The following THRA variants were observed in gnomAD, a reference collection of about 807,000 sequenced individuals.
The protein encoded by THRA is EAR-7.
THRA carries 13 observed loss-of-function variants against 45.0 expected under a neutral mutation model. That is an observed-to-expected ratio of 0.29 (90% CI 0.19 to 0.46). THRA has a LOEUF of 0.46. Ranked by LOEUF, THRA falls within the 20% of genes least tolerant of loss-of-function variation. The pLI, the probability that THRA is intolerant of heterozygous loss-of-function variation, is 1.00. For synonymous variants in THRA, 195 were observed against 214.0 expected, an observed-to-expected ratio of 0.91 and a Z score of 0.78; for missense variants, 278 against 556.1, an observed-to-expected ratio of 0.50 and a Z score of 5.03.
intron 1 of THRA, among the ~76,000 whole-genome samples, chr17:40,067,995 G>A (rs150669183): frequency 5.3e-4 from 81 of 152,300 alleles, no homozygotes; most frequent in African/African-American, 1.9e-3. Context: ...ACTCTAGCCT[G>A]AACAACAGAG....
rs1241298170 is a variant in THRA at position 40,063,040 on chromosome 17, G to T, written c.-350G>T. The T allele has an allele frequency of 1.3e-5, 2 of 151,858 alleles. No individual in the cohort carries two copies. The highest frequency in any genetic ancestry group is 2.9e-5 in the Non-Finnish European group (2 of 67,958). The allele number at this position is 151,858 out of a possible 1,614,324, so 9.4% of individuals were successfully genotyped here. Reference sequence around the variant, plus strand: ...CCCCCCATGGACGCCCCCAGCACGGGGCGCTGAGACCCCCGCGTCGCTGCC... The same window carrying T: ...CCCCCCATGGACGCCCCCAGCACGGTGCGCTGAGACCCCCGCGTCGCTGCC... On this transcript the variant is annotated 5_prime_UTR_variant, in exon 1 of 9. Coordinates refer to ENST00000450525, the MANE Select transcript of THRA (RefSeq NM_199334.5).
At position 40,067,981 on chromosome 17, in the gene THRA, C is replaced by T. The variant is rs141973442; in HGVS notation, c.-298+4889C>T. Among the ~76,000 whole-genome samples the T allele has an allele frequency of 4.6e-5, 7 of 152,330 alleles. No homozygotes were observed. The East Asian group carries it at 1.4e-3, about 29-fold the overall frequency. ...GCTGCGGTGAGCTGTGATTGTGCCACTGCACTCTAGCCTGAACAACAGAGT... is the reference window on the plus strand; with the variant it reads ...GCTGCGGTGAGCTGTGATTGTGCCATTGCACTCTAGCCTGAACAACAGAGT... On this transcript the variant is annotated intron_variant, in intron 1 of 8. Transcript: ENST00000450525.
chr17:40,069,254 C>G (rs977097671), intron 1 of THRA, among the ~76,000 whole-genome samples: 1 of 150,568 alleles, frequency 6.6e-6, no homozygotes, highest in Non-Finnish European at 1.5e-5. Flanking sequence ...TTCCTATTCC[C>G]TCCCTCCTCC....
At chr17:40,065,467 T>C (rs1986520890) in intron 1 of THRA, among the ~76,000 whole-genome samples, 1 of 152,180 alleles carries the variant, frequency 6.6e-6, no homozygotes, top group Non-Finnish European at 1.5e-5. Context: ...TGCTCTGTCT[T>C]GCAGTGTCTG....
chr17:40,065,676 T>TG, intron 1 of THRA, among the ~76,000 whole-genome samples: 1 of 139,702 alleles, frequency 7.2e-6, no homozygotes, highest in Non-Finnish European at 1.5e-5. Context: ...GAGGTTGGGG[T>TG]GGGGGGCGGG....
chr17:40,066,677 AAAAAAAAGAAAAAC>A (rs1459124350), intron 1 of THRA, among the ~76,000 whole-genome samples: 12 of 86,150 alleles, frequency 1.4e-4, no homozygotes, highest in African/African-American at 4.9e-4. Context: ...AAAAAAAAAA[AAAAAAAAGAAAAAC>A]AAAAAAGAAC....
rs1020149851 is a variant in THRA, at chr17:40,088,409, C to T, written c.891C>T (p.Asp297=). The change falls in exon 8 of 9, where the codon GAC becomes GAT. Residue 297 remains aspartate, a synonymous_variant. Transcript: ENST00000450525. ...ATGGCGGCCTGGGCGTAGTCTCCGACGCCATCTTTGAACTGGGCAAGTCAC... is the reference window on the plus strand; with the variant it reads ...ATGGCGGCCTGGGCGTAGTCTCCGATGCCATCTTTGAACTGGGCAAGTCAC... The part of the protein sequence containing the change: ...LKNGGLGVVS[D]AIFELGKSLS... 7 of 1,613,990 alleles carry T rather than the reference C, an allele frequency of 4.3e-6. No homozygotes were observed. Among genetic ancestry groups the T allele is most frequent in the South Asian group, 3.3e-5 (3 of 91,090 alleles).
At chr17:40,076,748 G>A (rs754631202) in intron 2 of THRA, 123 bp from the exon 3 acceptor site, 20 of 958,916 alleles carry the variant, frequency 2.1e-5, no homozygotes, top group Middle Eastern at 4.4e-4. Context: ...CTGGGGGGTG[G>A]GAGGTAGAAT....
At position 40,083,963 on chromosome 17, in the gene THRA, C is replaced by T. The variant is rs2230701; in HGVS notation, c.351C>T (p.Ala117=). 0.045 allele frequency: 72,079 copies of T among 1,613,222 alleles called. 1,869 individuals are homozygous for T. The highest frequency in any genetic ancestry group is 0.05 in the Non-Finnish European group (58,652 of 1,179,478). ...TGTGCCGCTTCAAGAAGTGCATCGC[C>T]GTGGGCATGGCCATGGACTGTAAGG... ...CQLCRFKKCI[A]VGMAMDLVLD... Residue 117 remains alanine, a synonymous_variant, in exon 5 of 9, where the codon GCC becomes GCT. Coordinates refer to ENST00000450525, the MANE Select transcript of THRA (RefSeq NM_199334.5).
At chr17:40,072,253 A>G (rs1361647918) in intron 1 of THRA, 1 of 152,454 alleles carries the variant, frequency 6.6e-6, no homozygotes, top group Non-Finnish European at 1.5e-5. Context: ...TGCCCATGCC[A>G]TGTGGCTGCC....
chr17:40,092,733 C>T lies in THRA; in HGVS notation c.*3277C>T, dbSNP rs563003253. On this transcript the variant is annotated 3_prime_UTR_variant, in exon 9 of 9. Coordinates refer to ENST00000450525, the MANE Select transcript of THRA (RefSeq NM_199334.5). ...CTGACCAGATGGAGAGGTGGCCCCC[C>T]CCAGCCTTGGCAGTATTTCCACCCC... 2.9e-6 allele frequency: 1 copy of T among 341,894 alleles called. No individual in the cohort carries two copies. Among genetic ancestry groups the T allele is most frequent in the Non-Finnish European group, 5.4e-6 (1 of 186,706 alleles). The allele number at this position is 341,894 out of a possible 1,614,324, so 21.2% of individuals were successfully genotyped here. A position where few individuals can be genotyped will look rare whatever the true frequency, so the allele number is the denominator to read the frequency against.
chr17:40,083,954 G>A lies in THRA; in HGVS notation c.342G>A (p.Lys114=). The A allele has an allele frequency of 1.2e-6, 2 of 1,613,712 alleles. No homozygotes were observed. Among genetic ancestry groups the A allele is most frequent in the East Asian group, 2.2e-5 (1 of 44,860 alleles). The change falls in exon 5 of 9, where the codon AAG becomes AAA. Residue 114 remains lysine (K), a synonymous_variant. Coordinates refer to ENST00000450525, the MANE Select transcript of THRA (RefSeq NM_199334.5). ...RNQCQLCRFK[K]CIAVGMAMDL... ...AGTGCCAGCTGTGCCGCTTCAAGAA[G>A]TGCATCGCCGTGGGCATGGCCATGG...
chr17:40,078,638 C>T (rs1315191725), intron 4 of THRA, among the ~76,000 whole-genome samples: 1 of 151,578 alleles, frequency 6.6e-6, no homozygotes, highest in Non-Finnish European at 1.5e-5. Context: ...GAGAGAGAGA[C>T]ACAACTTGAA....
Position 40,090,443 on chromosome 17 carries a change from C to T in THRA, c.*987C>T, listed in dbSNP as rs1987490808. 6.6e-6 allele frequency: 1 copy of T among 152,518 alleles called. No individual in the cohort carries two copies. The highest frequency in any genetic ancestry group is 1.5e-5 in the Non-Finnish European group (1 of 68,290). 9.4% of individuals were successfully genotyped at this position (152,518 alleles called of 1,614,324 possible). On this transcript the variant is annotated 3_prime_UTR_variant, in exon 9 of 9. Transcript: ENST00000450525. ...GTGCCCAGCCCTAGGGGCCTCTCCC[C>T]ATCCACCTCCTCCTTCCACACCTTG...
intron 3 of THRA, among the ~76,000 whole-genome samples, chr17:40,077,187 T>C (rs1986985222): frequency 6.6e-6 from 1 of 152,156 alleles, no homozygotes; most frequent in African/African-American, 2.4e-5. Context: ...CCTACCAGAA[T>C]CAGGGCCTGA....
intron 1 of THRA, among the ~76,000 whole-genome samples, chr17:40,072,572 C>T (rs1048410295): frequency 3.9e-5 from 6 of 152,104 alleles, no homozygotes; most frequent in Non-Finnish European, 5.9e-5. Flanking sequence ...CACCCAGACC[C>T]GGAGAGAGAG....
At chr17:40,080,916 G>T (rs961689897) in intron 4 of THRA, among the ~76,000 whole-genome samples, 2 of 151,900 alleles carry the variant, frequency 1.3e-5, no homozygotes, top group Admixed American at 1.3e-4. Flanking sequence ...TAGAGACAAG[G>T]TTTCACGATG....
rs1312308985 is a variant in THRA, at chr17:40,091,271, C to CACACAT, written c.*1815_*1816insACACAT. 2 of 152,244 alleles carry CACACAT rather than the reference C, an allele frequency of 1.3e-5. No homozygotes were observed. The highest frequency in any genetic ancestry group is 1.9e-4 in the East Asian group (1 of 5,150). The allele number at this position is 152,244 out of a possible 1,614,324, so 9.4% of individuals were successfully genotyped here. On this transcript the variant is annotated 3_prime_UTR_variant, in exon 9 of 9. Transcript: ENST00000450525. Reference sequence around the variant, plus strand: ...ACACACACACACACACACACACACACGGACATGCACACACGGACATGGGAA... The same window carrying CACACAT: ...ACACACACACACACACACACACACACACACATGGACATGCACACACGGACATGGGAA...
intron 5 of THRA, 58 bp downstream of exon 5, chr17:40,084,040 G>T: frequency 6.5e-7 from 1 of 1,540,882 alleles, no homozygotes. Flanking sequence ...GATGAGTTCT[G>T]GGAGGGCAGC....
Sources: allele counts gnomAD v4.1 joint callset (sites outside exome capture counted in the v4.1 genomes callset), GRCh38; gene constraint gnomAD v4.1.1; transcripts MANE v1.5; gene names NCBI Gene and HGNC (gene_info 2026-07-23, HGNC 2026-07-21).